TLE4: variants seen among roughly 807,000 people sequenced by gnomAD.
The protein encoded by TLE4 is TLE family member 4, transcriptional corepressor, also known as transducin-like enhancer protein 4.
In TLE4, 8 loss-of-function variants were observed where a neutral mutation model predicts 92.8. The ratio of observed to expected loss-of-function variants is 0.09; its 90% CI spans 0.05 to 0.16. TLE4 has a LOEUF of 0.16. Among genes scored for constraint, TLE4 ranks in the 10% least tolerant of loss-of-function variants. The pLI is 1.00. For missense variants in TLE4, 675 were observed against 997.6 expected, an observed-to-expected ratio of 0.68 and a Z score of 4.36; for synonymous variants, 371 against 374.1, an observed-to-expected ratio of 0.99 and a Z score of 0.10.
chr9:79,581,468 T>A (rs1035766575), intron 4 of TLE4, among the ~76,000 whole-genome samples: 11 of 152,212 alleles, frequency 7.2e-5, no homozygotes, highest in Non-Finnish European at 1.2e-4. Context: ...CATAGGAGGA[T>A]ATCTGGATTT....
chr9:79,661,228 T>G (rs1360631583), intron 8 of TLE4, among the ~76,000 whole-genome samples: 1 of 152,192 alleles, frequency 6.6e-6, no homozygotes, highest in Non-Finnish European at 1.5e-5. Flanking sequence ...TTCACCATCT[T>G]TTTTTTGTAT....
chr9:79,674,700 G>T (rs2062975540), intron 8 of TLE4, among the ~76,000 whole-genome samples: 2 of 152,118 alleles, frequency 1.3e-5, no homozygotes, highest in African/African-American at 4.8e-5. Context: ...CGTGGGGCGG[G>T]ATGTTTTAAT....
intron 6 of TLE4, among the ~76,000 whole-genome samples, chr9:79,650,334 A>G (rs181502303): frequency 6.6e-6 from 1 of 152,294 alleles, no homozygotes; most frequent in East Asian, 1.9e-4. Context: ...TAGAGCTTAG[A>G]TTCTAAGAAG....
intron 5 of TLE4, among the ~76,000 whole-genome samples, chr9:79,614,212 G>A (rs867281440): frequency 6.9e-4 from 105 of 152,256 alleles, no homozygotes; most frequent in African/African-American, 2.3e-3. Context: ...AACCAGGCTG[G>A]GGTGTCATGT....
chr9:79,706,732 G>A lies in TLE4; in HGVS notation c.784-15G>A, dbSNP rs951297893. ...GTGCTGTGCTTGCATTACTGTCCAC[G>A]ATGTTCCTTTGTAGGATCCATCTTC... On this transcript the variant is annotated splice_polypyrimidine_tract_variant and intron_variant, in intron 10 of 19. Coordinates refer to ENST00000376552, the MANE Select transcript of TLE4 (RefSeq NM_007005.6). 7 of 1,610,742 alleles carry A rather than the reference G, an allele frequency of 4.3e-6. No homozygotes were observed. In the East Asian group the frequency reaches 6.7e-5, roughly 15 times the overall value.
At chr9:79,660,823 G>A (rs1400794301) in intron 8 of TLE4, among the ~76,000 whole-genome samples, 1 of 152,192 alleles carries the variant, frequency 6.6e-6, no homozygotes, top group African/African-American at 2.4e-5. Flanking sequence ...GAGCATAAAT[G>A]GATTAATGAT....
At chr9:79,631,202 CTG>C (rs1466497073) in intron 6 of TLE4, among the ~76,000 whole-genome samples, 1 of 152,192 alleles carries the variant, frequency 6.6e-6, no homozygotes, top group Non-Finnish European at 1.5e-5. Context: ...TTCACACTCT[CTG>C]TGTTAAGTGC....
intron 4 of TLE4, among the ~76,000 whole-genome samples, chr9:79,605,476 G>A (rs542182494): frequency 2.0e-5 from 3 of 152,152 alleles, no homozygotes; most frequent in African/African-American, 7.2e-5. Flanking sequence ...ACAATAACTA[G>A]AGCCCAGAAT....
At chr9:79,678,249 A>G (rs2063662059) in intron 8 of TLE4, among the ~76,000 whole-genome samples, 1 of 152,114 alleles carries the variant, frequency 6.6e-6, no homozygotes, top group Admixed American at 6.6e-5. Context: ...TTCTTTTGTC[A>G]TAATCCTGAC....
intron 8 of TLE4, among the ~76,000 whole-genome samples, chr9:79,678,307 A>G (rs1389046379): frequency 6.6e-6 from 1 of 152,146 alleles, no homozygotes; most frequent in Non-Finnish European, 1.5e-5. Context: ...TGTAGATGTT[A>G]ATCTATGTAC....
chr9:79,635,911 T>C (rs1471942452), intron 6 of TLE4, among the ~76,000 whole-genome samples: 1 of 152,160 alleles, frequency 6.6e-6, no homozygotes, highest in Non-Finnish European at 1.5e-5. Flanking sequence ...GGAAAGGGTC[T>C]AAGCTCAGTA....
At chr9:79,601,356 T>A in intron 4 of TLE4, 1 of 456,542 alleles carries the variant, frequency 2.2e-6, no homozygotes, top group Non-Finnish European at 4.4e-6. Flanking sequence ...GATATATTAA[T>A]GTGCTTTAGC....
intron 6 of TLE4, among the ~76,000 whole-genome samples, chr9:79,640,383 A>T (rs760576108): frequency 1.1e-4 from 16 of 152,162 alleles, no homozygotes; most frequent in Non-Finnish European, 2.2e-4. Context: ...CCATGATATT[A>T]CTAGTTTTCT....
At position 79,680,389 on chromosome 9, in the gene TLE4, G is replaced by T. The variant is rs185161691; in HGVS notation, c.610-24394G>T. On this transcript the variant is annotated intron_variant, in intron 8 of 19. Coordinates refer to ENST00000376552, the MANE Select transcript of TLE4 (RefSeq NM_007005.6). Reference sequence around the variant, plus strand: ...ATTCCCTTTGAAGCAATTGTAATTTGAAGCAATGGGAGTTCACTCATGATT... The same window carrying T: ...ATTCCCTTTGAAGCAATTGTAATTTTAAGCAATGGGAGTTCACTCATGATT... Among the ~76,000 whole-genome samples the T allele has an allele frequency of 5.9e-5, 9 of 152,150 alleles. No homozygotes were observed. The East Asian group carries it at 1.7e-3, about 29-fold the overall frequency.
In TLE4 at chr9:79,613,070, A is replaced by G. The variant is rs373704638; in HGVS notation, c.315+352A>G. Reference sequence around the variant, plus strand: ...CCAGGAAAACAGGAGCTTACTCTGTACTATTGTCATTGGGCATTAAGAATT... The same window carrying G: ...CCAGGAAAACAGGAGCTTACTCTGTGCTATTGTCATTGGGCATTAAGAATT... On this transcript the variant is annotated intron_variant, in intron 5 of 19. Coordinates refer to ENST00000376552, the MANE Select transcript of TLE4 (RefSeq NM_007005.6). Among the ~76,000 whole-genome samples the G allele has an allele frequency of 9.9e-5, 15 of 152,284 alleles. No homozygotes were observed. In the East Asian group the frequency reaches 1.4e-3, roughly 14 times the overall value.
At chr9:79,659,754 A>T (rs1006518850) in intron 8 of TLE4, among the ~76,000 whole-genome samples, 8 of 152,166 alleles carry the variant, frequency 5.3e-5, no homozygotes, top group Non-Finnish European at 1.2e-4. Context: ...GGGCATGGGG[A>T]ATCAGGGATA....
chr9:79,619,828 T>C (rs528296986), intron 5 of TLE4, among the ~76,000 whole-genome samples: 31 of 152,324 alleles, frequency 2.0e-4, no homozygotes, highest in Non-Finnish European at 3.8e-4. Flanking sequence ...CACATTAGGT[T>C]GTGGGCATGG....
At chr9:79,668,741 A>C in intron 8 of TLE4, 13 of 619,840 alleles carry the variant, frequency 2.1e-5, no homozygotes, top group East Asian at 5.2e-4. Context: ...AAAATAGTAT[A>C]GCTAGCAAAT....
At chr9:79,623,505 A>T (rs1479172216) in intron 5 of TLE4, among the ~76,000 whole-genome samples, 1 of 152,152 alleles carries the variant, frequency 6.6e-6, no homozygotes, top group Non-Finnish European at 1.5e-5. Flanking sequence ...AAGGCAAGTG[A>T]TTTAATGTAC....
Sources: allele counts gnomAD v4.1 joint callset (sites outside exome capture counted in the v4.1 genomes callset), GRCh38; gene constraint gnomAD v4.1.1; transcripts MANE v1.5; gene names NCBI Gene and HGNC (gene_info 2026-07-23, HGNC 2026-07-21).